Variants in ZNF727 observed in about 807,000 individuals in gnomAD.
ZNF727 encodes putative zinc finger protein 727.
ZNF727 carries 11 observed loss-of-function variants against 11.5 expected under a neutral mutation model. The ratio of observed to expected loss-of-function variants is 0.95; its 90% CI spans 0.60 to 1.58. ZNF727 has a LOEUF of 1.58. Ranked by LOEUF, ZNF727 falls within the 40% of genes most tolerant of loss-of-function variation. The pLI, the probability that ZNF727 is intolerant of heterozygous loss-of-function variation, is 0.00. For missense variants in ZNF727, 533 were observed against 581.7 expected (o/e 0.92, Z 0.86); for synonymous variants, 171 against 196.1 (o/e 0.87, Z 1.07).
In ZNF727 at chr7:64,078,321, C is replaced by G; in HGVS notation, c.1272C>G (p.Tyr424Ter). 1 of 1,577,640 alleles carries G rather than the reference C, an allele frequency of 6.3e-7. No individual in the cohort carries two copies. Among genetic ancestry groups the G allele is most frequent in the South Asian group, 1.1e-5 (1 of 87,042 alleles). ...GAATTCATATGGAAGTGAGACCTTA[C>G]AAATGTGAAGAATGTGGCAAAACCT... is the stretch of plus-strand genomic sequence containing the variant. ...HKRIHMEVRP[Y>*]KCEECGKTFK... Residue 424 changes from tyrosine (Y) to a stop codon, truncating the protein, a stop_gained, in exon 4 of 4, where the codon TAC becomes TAG. Transcript: ENST00000456806. LOFTEE classifies it low-confidence loss of function (END_TRUNC).
chr7:64,063,466 C>T (rs1334656166), intron 1 of ZNF727, among the ~76,000 whole-genome samples: 11 of 151,696 alleles, frequency 7.3e-5, no homozygotes, highest in South Asian at 2.1e-4. Context: ...TTACATTCTG[C>T]CAAATAAATG....
chr7:64,049,293 T>A (rs993770144), intron 1 of ZNF727, among the ~76,000 whole-genome samples: 1 of 152,052 alleles, frequency 6.6e-6, no homozygotes, highest in Non-Finnish European at 1.5e-5. Flanking sequence ...TCCATTGAAT[T>A]TACCTCATTT....
At chr7:64,048,264 A>G (rs1479699091) in intron 1 of ZNF727, among the ~76,000 whole-genome samples, 2 of 152,200 alleles carry the variant, frequency 1.3e-5, no homozygotes, top group Non-Finnish European at 2.9e-5. Context: ...TCCATTGGTT[A>G]AAAATTCTCA....
chr7:64,055,619 A>G (rs75875430), intron 1 of ZNF727, among the ~76,000 whole-genome samples: 1,632 of 152,310 alleles, frequency 0.011, 34 homozygotes, highest in African/African-American at 0.037. Flanking sequence ...AAGTGGAGTC[A>G]TACAGTATTT....
At chr7:64,049,403 T>C (rs1467482712) in intron 1 of ZNF727, among the ~76,000 whole-genome samples, 1 of 152,042 alleles carries the variant, frequency 6.6e-6, no homozygotes, top group Non-Finnish European at 1.5e-5. Context: ...TGTCTCTTTC[T>C]AAAATAATTT....
chr7:64,064,126 A>G (rs1789825559), intron 1 of ZNF727, among the ~76,000 whole-genome samples: 1 of 152,090 alleles, frequency 6.6e-6, no homozygotes, highest in Non-Finnish European at 1.5e-5. Flanking sequence ...CTACCTCACT[A>G]TGACTGAGCT....
At chr7:64,053,288 A>T (rs916415657) in intron 1 of ZNF727, among the ~76,000 whole-genome samples, 1 of 152,016 alleles carries the variant, frequency 6.6e-6, no homozygotes, top group African/African-American at 2.4e-5. Flanking sequence ...AATAAGTCTC[A>T]TGAGATCTGA....
intron 1 of ZNF727, among the ~76,000 whole-genome samples, chr7:64,045,910 G>A (rs1332157740): frequency 1.3e-5 from 2 of 152,208 alleles, no homozygotes; most frequent in Admixed American, 6.5e-5. Context: ...GTGCGGGGAC[G>A]TCATAAGACG....
In ZNF727 at chr7:64,080,839, T is replaced by G. The variant is rs1785774034; in HGVS notation, c.*2290T>G. The stretch of plus-strand genomic sequence containing the variant: ...TATTTGATTGTGGTAAAAGGTGGAT[T>G]CAGCCAACAGGCTTTGTTCCTGGGA... On this transcript the variant is annotated 3_prime_UTR_variant, in exon 4 of 4. Transcript: ENST00000456806. Among the ~76,000 whole-genome samples the G allele has an allele frequency of 6.6e-6, 1 of 152,150 alleles. No homozygotes were observed.
At chr7:64,068,492 A>G (rs1473118977) in intron 1 of ZNF727, among the ~76,000 whole-genome samples, 1 of 152,130 alleles carries the variant, frequency 6.6e-6, no homozygotes, top group Non-Finnish European at 1.5e-5. Context: ...CAGAGTCAAA[A>G]TCTGCTTTTT....
In ZNF727 at chr7:64,083,417, G is replaced by C. The variant is rs932375873; in HGVS notation, c.*4868G>C. The stretch of plus-strand genomic sequence containing the variant: ...GGGCACTGTGGAAGTGGGTCCTGCA[G>C]ACCATCACTGCTCAGCCCCCTGGAT... On this transcript the variant is annotated 3_prime_UTR_variant, in exon 4 of 4. Transcript: ENST00000456806. Among the ~76,000 whole-genome samples the C allele has an allele frequency of 6.6e-6, 1 of 152,212 alleles. No individual in the cohort carries two copies. Among genetic ancestry groups the C allele is most frequent in the African/African-American group, 2.4e-5 (1 of 41,460 alleles).
At position 64,057,974 on chromosome 7, in the gene ZNF727, A is replaced by G. The variant is rs182863976; in HGVS notation, c.4-10917A>G. On this transcript the variant is annotated intron_variant, in intron 1 of 3. Coordinates refer to ENST00000456806, the MANE Select transcript of ZNF727 (RefSeq NM_001159522.3). The stretch of plus-strand genomic sequence containing the variant: ...TTGTTTTTGATTTGTTAATTTTCCA[A>G]CAAAGCTGGGATAAAAGCATCTTCA... Among the ~76,000 whole-genome samples the G allele has an allele frequency of 4.6e-5, 7 of 152,268 alleles. No individual in the cohort carries two copies. In the East Asian group the frequency reaches 1.2e-3, roughly 25 times the overall value.
rs1402404052 is a variant in ZNF727 at position 64,080,248 on chromosome 7, C to G, written c.*1699C>G. 2.0e-5 allele frequency among the ~76,000 whole-genome samples: 3 copies of G among 152,108 alleles called. No individual in the cohort carries two copies. Among genetic ancestry groups the G allele is most frequent in the Admixed American group, 1.3e-4 (2 of 15,266 alleles). On this transcript the variant is annotated 3_prime_UTR_variant, in exon 4 of 4. Transcript: ENST00000456806. Reference sequence around the variant, plus strand: ...GGATGGTATCCCGAAATATGTATTTCAAGTTGTTTTCATTCTCTCCATCAC... The same window carrying G: ...GGATGGTATCCCGAAATATGTATTTGAAGTTGTTTTCATTCTCTCCATCAC...
intron 1 of ZNF727, among the ~76,000 whole-genome samples, chr7:64,061,445 G>GTT (rs141990407): frequency 1.4e-5 from 2 of 147,966 alleles, no homozygotes; most frequent in African/African-American, 4.9e-5. Context: ...TCTTTTTATA[G>GTT]TTTTTTTTTT....
chr7:64,075,248 A>G (rs1459010863), intron 3 of ZNF727, among the ~76,000 whole-genome samples: 2 of 152,090 alleles, frequency 1.3e-5, no homozygotes, highest in Admixed American at 6.6e-5. Flanking sequence ...ATTTAGTAAT[A>G]TAATGCTTTG....
chr7:64,052,763 A>G (rs566296171), intron 1 of ZNF727, among the ~76,000 whole-genome samples: 1 of 152,332 alleles, frequency 6.6e-6, no homozygotes, highest in South Asian at 2.1e-4. Flanking sequence ...GGAGCTGCCC[A>G]AGGCCATGGA....
At chr7:64,075,640 A>G (rs1033771822) in intron 3 of ZNF727, among the ~76,000 whole-genome samples, 2 of 152,158 alleles carry the variant, frequency 1.3e-5, no homozygotes, top group East Asian at 3.9e-4. Flanking sequence ...ACAGAAAGCC[A>G]AATACTACAT....
rs1785716792 is a variant in ZNF727 at position 64,078,128 on chromosome 7, G to T, written c.1079G>T (p.Arg360Ile). The change falls in exon 4 of 4, where the codon AGA becomes ATA. Residue 360 changes from arginine to isoleucine, a missense_variant. Physicochemically the swap from Arg to Ile is moderately conservative, Grantham distance 97 (BLOSUM62 -3). Around this residue, in one of 3 missense-constraint regions of ZNF727, gnomAD observed 463 missense variants for 494.5 expected, o/e 0.94. Transcript: ENST00000456806. ...TYSSTLISHK[R>I]IHMELRPYKC... The stretch of plus-strand genomic sequence containing the variant: ...TCCTCAACCCTTATTAGCCACAAGA[G>T]AATTCATATGGAATTGAGACCTTAC... The T allele has an allele frequency of 3.7e-6, 6 of 1,602,916 alleles. No individual in the cohort carries two copies. The highest frequency in any genetic ancestry group is 5.1e-6 in the Non-Finnish European group (6 of 1,174,330).
chr7:64,049,188 TCA>T (rs905344337), intron 1 of ZNF727, among the ~76,000 whole-genome samples: 97 of 152,274 alleles, frequency 6.4e-4, no homozygotes, highest in African/African-American at 2.2e-3. Context: ...ACAGATGTAT[TCA>T]GTCTCAGTCA....
Sources: allele counts gnomAD v4.1 joint callset (sites outside exome capture counted in the v4.1 genomes callset), GRCh38; gene constraint gnomAD v4.1.1; regional missense constraint gnomAD v4.1.1; transcripts MANE v1.5; gene names NCBI Gene and HGNC (gene_info 2026-07-23, HGNC 2026-07-21).